The following ALKBH7 variants were observed in gnomAD, a reference collection of about 807,000 sequenced individuals.
ALKBH7 encodes the protein alkB homolog 7, RNA demethylase, also known as RNA demethylase ALKBH7, mitochondrial.
ALKBH7 carries 21 observed loss-of-function variants against 19.3 expected under a neutral mutation model. The observed-to-expected ratio is 1.09, with a 90% CI of 0.77 to 1.56. The LOEUF (loss-of-function observed/expected upper bound fraction) is 1.56, where lower values mean the gene tolerates loss of function less well. Among genes scored for constraint, ALKBH7 ranks in the 40% most tolerant of loss-of-function variants. The pLI is 0.00. For synonymous variants in ALKBH7, 147 were observed against 139.5 expected, an observed-to-expected ratio of 1.05 and a Z score of -0.38; for missense variants, 354 against 311.4, an observed-to-expected ratio of 1.14 and a Z score of -1.03.
intron 1 of ALKBH7, chr19:6,373,586 C>G: frequency 8.6e-7 from 1 of 1,158,018 alleles, no homozygotes; most frequent in Non-Finnish European, 1.1e-6. Context: ...GGGGCGGGGC[C>G]AAGCTTGGGG....
chr19:6,374,848 C>T lies in ALKBH7; in HGVS notation c.541C>T (p.Arg181Trp), dbSNP rs752470861. Residue 181 changes from arginine to tryptophan, a missense_variant, in exon 4 of 4, where the codon CGG (arginine) becomes TGG (tryptophan). Arg to Trp is a moderately radical substitution (Grantham distance 101). Coordinates refer to ENST00000245812, the MANE Select transcript of ALKBH7 (RefSeq NM_032306.4). ...ARYDFSHEIL[R>W]DEESFFGERR... ...TTATGACTTCTCCCATGAGATCCTT[C>T]GGGATGAAGAGTCCTTCTTTGGGGA... 8.1e-6 allele frequency: 13 copies of T among 1,613,856 alleles called. No homozygotes were observed. Among genetic ancestry groups the T allele is most frequent in the African/African-American group, 4.0e-5 (3 of 74,948 alleles).
At position 6,374,929 on chromosome 19, in the gene ALKBH7, G is replaced by A. The variant is rs780473685; in HGVS notation, c.622G>A (p.Gly208Ser). The change falls in exon 4 of 4, where the codon GGC becomes AGC. Residue 208 changes from glycine (G) to serine (S), a missense_variant. Gly to Ser is a moderately conservative substitution (Grantham distance 56). Coordinates refer to ENST00000245812, the MANE Select transcript of ALKBH7 (RefSeq NM_032306.4). ...CGTGATCTGCCGCTCCCTCCCTGAG[G>A]GCATGGGGCCAGGGGAGTCTGGACA... ...ISVICRSLPE[G>S]MGPGESGQPP... 1.1e-5 allele frequency: 18 copies of A among 1,613,656 alleles called. 1 individual carries two copies. The highest frequency in any genetic ancestry group is 3.3e-4 in the Middle Eastern group (2 of 6,038).
Position 6,373,015 on chromosome 19 carries a change from C to T in ALKBH7, c.195C>T (p.His65=). Residue 65 remains histidine, a synonymous_variant, in exon 1 of 4, where the codon CAC becomes CAT. Coordinates refer to ENST00000245812, the MANE Select transcript of ALKBH7 (RefSeq NM_032306.4). ...ELRRRRYEYD[H]WDAAIHGFRE... ...GCCGCCGCCGCTACGAATACGATCA[C>T]TGGGACGCGGTGAGACCGGCAGCGC... 1 of 1,569,582 alleles carries T rather than the reference C, an allele frequency of 6.4e-7. No individual in the cohort carries two copies. Among genetic ancestry groups the T allele is most frequent in the Non-Finnish European group, 8.6e-7 (1 of 1,160,026 alleles).
Position 6,374,665 on chromosome 19 carries a change from C to T in ALKBH7, c.503+76C>T, listed in dbSNP as rs550904431. 199 of 1,606,932 alleles carry T rather than the reference C, an allele frequency of 1.2e-4. 1 individual carries two copies. The African/African-American group carries it at 2.4e-3, about 20-fold the overall frequency. ...ACCCTGTGCCCTGGGTACTTTCCCTCAATCCAGCCCTCCCCGAAGACGCCT... is the reference window on the plus strand; with the variant it reads ...ACCCTGTGCCCTGGGTACTTTCCCTTAATCCAGCCCTCCCCGAAGACGCCT... On this transcript the variant is annotated intron_variant, in intron 3 of 3. Transcript: ENST00000245812.
chr19:6,373,059 GC>G, intron 1 of ALKBH7, 35 bp downstream of exon 1: 1 of 1,535,442 alleles, frequency 6.5e-7, no homozygotes. Flanking sequence ...AGGGACGGGG[GC>G]TCGTCGGGGG....
intron 1 of ALKBH7, chr19:6,373,703 G>C: frequency 8.0e-7 from 1 of 1,256,370 alleles, no homozygotes; most frequent in Non-Finnish European, 1.0e-6. Flanking sequence ...CGGAGATAGG[G>C]GAGACACATG....
rs1332725620 is a variant in ALKBH7 at position 6,374,315 on chromosome 19, C to G, written c.317C>G (p.Ser106Cys). The change falls in exon 2 of 4, where the codon TCC (serine) becomes TGC (cysteine). Residue 106 changes from serine to cysteine, a missense_variant. Transcript: ENST00000245812. Reference sequence around the variant, plus strand: ...GGCCCCGGCCAGACCCTGCTCTCCTCCGTGCACGTGCTGGACCTGGAAGCC... The same window carrying G: ...GGCCCCGGCCAGACCCTGCTCTCCTGCGTGCACGTGCTGGACCTGGAAGCC... ...AFGPGQTLLSSVHVLDLEARG... is the reference protein window; with the variant it reads ...AFGPGQTLLSCVHVLDLEARG... 48 of 1,612,888 alleles carry G rather than the reference C, an allele frequency of 3.0e-5. No homozygotes were observed. The highest frequency in any genetic ancestry group is 4.0e-5 in the Non-Finnish European group (47 of 1,179,740).
chr19:6,372,828 G>C lies in ALKBH7; in HGVS notation c.8G>C (p.Gly3Ala), dbSNP rs765306244. 2 of 1,544,392 alleles carry C rather than the reference G, an allele frequency of 1.3e-6. No individual in the cohort carries two copies. Among genetic ancestry groups the C allele is most frequent in the Admixed American group, 1.9e-5 (1 of 51,336 alleles). ...TGACCCCGCTCCGGGATTATGGCCG[G>C]GACTGGGCTGCTGGCGCTGCGGACG... The part of the protein sequence containing the change: MA[G>A]TGLLALRTLP... The change falls in exon 1 of 4, where the codon GGG becomes GCG. Residue 3 changes from glycine (G) to alanine (A), a missense_variant. Gly to Ala is a moderately conservative substitution (Grantham distance 60, BLOSUM62 0). Transcript: ENST00000245812.
chr19:6,373,929 C>A (rs1385013218), intron 1 of ALKBH7: 1 of 984,964 alleles, frequency 1.0e-6, no homozygotes, highest in Non-Finnish European at 1.2e-6. Flanking sequence ...AGAGACAGGA[C>A]ACTTGGGTGG....
chr19:6,374,452 G>A lies in ALKBH7; in HGVS notation c.379-13G>A, dbSNP rs140323385. ...CGGTTAGATCCTGACCCATCCCCAC[G>A]CCTCTTTTGCAGTTCTGCGGGGCCA... is the stretch of plus-strand genomic sequence containing the variant. On this transcript the variant is annotated splice_polypyrimidine_tract_variant and intron_variant, in intron 2 of 3. Coordinates refer to ENST00000245812, the MANE Select transcript of ALKBH7 (RefSeq NM_032306.4). 2.2e-5 allele frequency: 35 copies of A among 1,612,592 alleles called. No individual in the cohort carries two copies. In the South Asian group the frequency reaches 3.4e-4, roughly 16 times the overall value.
intron 1 of ALKBH7, 44 bp downstream of exon 1, chr19:6,373,068 G>A: frequency 6.5e-7 from 1 of 1,528,806 alleles, no homozygotes; most frequent in Non-Finnish European, 8.8e-7. Flanking sequence ...GGCTCGTCGG[G>A]GGCGCGGCCT....
intron 1 of ALKBH7, 112 bp from the exon 2 acceptor site, chr19:6,374,091 A>G (rs890564068): frequency 2.2e-5 from 35 of 1,556,674 alleles, no homozygotes; most frequent in Non-Finnish European, 2.7e-5. Context: ...AGTTGAGGGC[A>G]GGGTCAAGAG....
At chr19:6,373,863 C>T (rs1224229329) in intron 1 of ALKBH7, 2 of 1,311,998 alleles carry the variant, frequency 1.5e-6, no homozygotes, top group Non-Finnish European at 1.9e-6. Context: ...ACTTTTGCGA[C>T]CTGGGACCAA....
chr19:6,372,915 CG>C lies in ALKBH7; in HGVS notation c.97del (p.Ala33ProfsTer8). 1 of 1,558,528 alleles carries C rather than the reference CG, an allele frequency of 6.4e-7. No individual in the cohort carries two copies. The highest frequency in any genetic ancestry group is 1.4e-5 in the African/African-American group (1 of 73,720). ...GPSVLSRLQDAAVVRPGFLST... is the reference protein window; with the variant it reads ...GPSVLSRLQDXAVVRPGFLST... ...TCCGTGCTGAGCCGCCTGCAGGACG[CG>C]GCCGTGGTGCGGCCTGGCTTCCTGA... On this transcript the variant is annotated frameshift_variant, in exon 1 of 4. Coordinates refer to ENST00000245812, the MANE Select transcript of ALKBH7 (RefSeq NM_032306.4). LOFTEE classifies it high-confidence loss of function.
chr19:6,374,110 G>A lies in ALKBH7; in HGVS notation c.205-93G>A, dbSNP rs2091907677. Reference sequence around the variant, plus strand: ...GAGGGCAGGGTCAAGAGTCACATAGGGAAACCAGCCCCTTGCCGTTTTCTG... The same window carrying A: ...GAGGGCAGGGTCAAGAGTCACATAGAGAAACCAGCCCCTTGCCGTTTTCTG... On this transcript the variant is annotated intron_variant, in intron 1 of 3. Transcript: ENST00000245812. 2.5e-6 allele frequency: 4 copies of A among 1,578,798 alleles called. No individual in the cohort carries two copies. In the East Asian group the frequency reaches 6.7e-5, roughly 27 times the overall value.
chr19:6,374,876 G>T lies in ALKBH7; in HGVS notation c.569G>T (p.Arg190Leu), dbSNP rs768898380. The T allele has an allele frequency of 2.5e-6, 4 of 1,614,090 alleles. No homozygotes were observed. Among genetic ancestry groups the T allele is most frequent in the African/African-American group, 2.7e-5 (2 of 75,070 alleles). Residue 190 changes from arginine to leucine, a missense_variant, in exon 4 of 4, where the codon CGC (arginine) becomes CTC (leucine). Physicochemically the swap from Arg to Leu is moderately radical, Grantham distance 102 (BLOSUM62 -2). Transcript: ENST00000245812. ...GATGAAGAGTCCTTCTTTGGGGAAC[G>T]CCGGATTCCCCGGGGCCGGCGCATC... ...LRDEESFFGERRIPRGRRISV... is the reference protein window; with the variant it reads ...LRDEESFFGELRIPRGRRISV...
chr19:6,373,251 G>C (rs1025290175), intron 1 of ALKBH7, among the ~76,000 whole-genome samples: 32 of 149,550 alleles, frequency 2.1e-4, no homozygotes, highest in East Asian at 1.0e-3. Context: ...TGTGGGGCCA[G>C]GGGGGTCGGG....
intron 1 of ALKBH7, chr19:6,373,569 C>T: frequency 9.4e-7 from 1 of 1,068,156 alleles, no homozygotes; most frequent in Non-Finnish European, 1.2e-6. Context: ...TCGTCGAGCG[C>T]ATGGATGGGG....
In ALKBH7 at chr19:6,372,867, G is replaced by A. The variant is rs1477490791; in HGVS notation, c.47G>A (p.Ser16Asn). ...GCGCTGCGGACGCTGCCAGGGCCCA[G>A]CTGGGTGCGAGGCTCGGGCCCTTCC... ...LLALRTLPGP[S>N]WVRGSGPSVL... Residue 16 changes from serine (S) to asparagine (N), a missense_variant, in exon 1 of 4, where the codon AGC (serine) becomes AAC (asparagine). Coordinates refer to ENST00000245812, the MANE Select transcript of ALKBH7 (RefSeq NM_032306.4). 6.4e-7 allele frequency: 1 copy of A among 1,550,716 alleles called. No individual in the cohort carries two copies. Among genetic ancestry groups the A allele is most frequent in the South Asian group, 1.2e-5 (1 of 84,546 alleles).
Sources: gnomAD v4.1 joint callset for allele counts (sites outside exome capture counted in the v4.1 genomes callset) on GRCh38, gnomAD v4.1.1 for gene constraint, MANE v1.5 for transcripts, NCBI Gene and HGNC (gene_info 2026-07-23, HGNC 2026-07-21) for gene names.